The following HECW1 variants were observed in gnomAD, a reference collection of about 807,000 sequenced individuals.
HECW1 encodes the protein HECT, C2 and WW domain containing E3 ubiquitin protein ligase 1.
A neutral mutation model predicts 182.3 loss-of-function variants in HECW1; 61 were observed. The ratio of observed to expected loss-of-function variants is 0.33; its 90% CI spans 0.27 to 0.41. The LOEUF (loss-of-function observed/expected upper bound fraction) is 0.41. HECW1 is among the 10% of genes least tolerant of loss of function. The pLI, the probability that HECW1 is intolerant of heterozygous loss-of-function variation, is 1.00. For missense variants in HECW1, 1,739 were observed against 2,108.9 expected (o/e 0.82, Z 3.44); for synonymous variants, 859 against 832.6 (o/e 1.03, Z -0.55).
chr7:43,419,159 G>A (rs2076104829), intron 8 of HECW1, among the ~76,000 whole-genome samples: 2 of 152,058 alleles, frequency 1.3e-5, no homozygotes, highest in Admixed American at 1.3e-4. Context: ...GGTGGTGCTG[G>A]TTGCCCCAGG....
In HECW1 at chr7:43,407,592, T is replaced by G. The variant is rs1195691817; in HGVS notation, c.662T>G (p.Met221Arg). The change falls in exon 8 of 30, where the codon ATG becomes AGG. Residue 221 changes from methionine to arginine, a missense_variant. Around this residue, in one of 5 missense-constraint regions of HECW1, gnomAD observed 279 missense variants for 353.1 expected, o/e 0.79. Transcript: ENST00000395891. ...DFQAMGLKKG[M>R]FFNPDPYLKI... ...CAAGCCATGGGGTTGAAGAAAGGGA[T>G]GTTTTTCAACCCAGACCCTTATCTG... The G allele has an allele frequency of 6.2e-7, 1 of 1,613,336 alleles. No homozygotes were observed. The highest frequency in any genetic ancestry group is 1.1e-5 in the South Asian group (1 of 91,010).
intron 12 of HECW1, among the ~76,000 whole-genome samples, chr7:43,455,555 A>G (rs2077373435): frequency 6.6e-6 from 1 of 152,238 alleles, no homozygotes; most frequent in Non-Finnish European, 1.5e-5. Flanking sequence ...GTCAGCTCGC[A>G]CTGGAGGATA....
At chr7:43,251,076 G>T (rs1219166526) in intron 3 of HECW1, among the ~76,000 whole-genome samples, 1 of 152,164 alleles carries the variant, frequency 6.6e-6, no homozygotes, top group African/African-American at 2.4e-5. Flanking sequence ...TACTGGATGG[G>T]CCCTGTGGAT....
intron 5 of HECW1, among the ~76,000 whole-genome samples, chr7:43,339,820 T>G (rs913862540): frequency 6.6e-6 from 1 of 152,112 alleles, no homozygotes; most frequent in Non-Finnish European, 1.5e-5. Flanking sequence ...TTAGGACCCC[T>G]CTCAAGGGCT....
intron 24 of HECW1, among the ~76,000 whole-genome samples, chr7:43,531,538 GC>G (rs1337098083): frequency 6.6e-6 from 1 of 152,086 alleles, no homozygotes; most frequent in African/African-American, 2.4e-5. Flanking sequence ...TCCATGTCAT[GC>G]CCTCCTCCAC....
chr7:43,158,229 A>G lies in HECW1; in HGVS notation c.-32+43838A>G, dbSNP rs146010020. Among the ~76,000 whole-genome samples, 718 of 152,340 alleles carry G rather than the reference A, an allele frequency of 4.7e-3. 1 individual carries two copies. The highest frequency in any genetic ancestry group is 8.1e-3 in the Non-Finnish European group (548 of 68,030). Reference sequence around the variant, plus strand: ...AGGTAAAAGGCAATACAGGTTGACCAATATGGGTGGTTATTATACATAAAC... The same window carrying G: ...AGGTAAAAGGCAATACAGGTTGACCGATATGGGTGGTTATTATACATAAAC... On this transcript the variant is annotated intron_variant, in intron 2 of 29. Transcript: ENST00000395891.
intron 5 of HECW1, among the ~76,000 whole-genome samples, chr7:43,341,639 A>G (rs1584544327): frequency 6.6e-6 from 1 of 151,842 alleles, no homozygotes. Flanking sequence ...TCTTAAAAAT[A>G]CAAACATCTA....
chr7:43,510,800 T>C (rs2079826223), intron 24 of HECW1, among the ~76,000 whole-genome samples: 1 of 152,136 alleles, frequency 6.6e-6, no homozygotes. Context: ...AGCTGACGTT[T>C]GAAGAAAACC....
intron 3 of HECW1, among the ~76,000 whole-genome samples, chr7:43,290,924 C>G (rs1231429933): frequency 6.6e-6 from 1 of 152,164 alleles, no homozygotes; most frequent in Non-Finnish European, 1.5e-5. Flanking sequence ...GGGACCCCAT[C>G]CCAGAGGAGC....
At chr7:43,427,510 A>T (rs1055272323) in intron 8 of HECW1, among the ~76,000 whole-genome samples, 8 of 152,210 alleles carry the variant, frequency 5.3e-5, no homozygotes, top group Non-Finnish European at 8.8e-5. Flanking sequence ...TATTTGTTCA[A>T]AGTATATCTC....
At chr7:43,431,807 C>A (rs768782134) in intron 8 of HECW1, among the ~76,000 whole-genome samples, 13 of 152,122 alleles carry the variant, frequency 8.5e-5, no homozygotes, top group Non-Finnish European at 1.9e-4. Flanking sequence ...ACTCTGTGAA[C>A]TTCAGCCCCT....
chr7:43,125,610 T>G (rs1040969842), intron 2 of HECW1, among the ~76,000 whole-genome samples: 13 of 151,580 alleles, frequency 8.6e-5, no homozygotes, highest in African/African-American at 3.2e-4. Context: ...CAAAAAAAAT[T>G]AGCCGGGCAT....
chr7:43,366,426 CA>C (rs1434109518), intron 6 of HECW1, among the ~76,000 whole-genome samples: 5 of 151,850 alleles, frequency 3.3e-5, no homozygotes, highest in African/African-American at 1.2e-4. Context: ...GTAGATATTT[CA>C]AAAAAAATTT....
At chr7:43,529,724 C>G (rs1329063405) in intron 24 of HECW1, among the ~76,000 whole-genome samples, 1 of 152,150 alleles carries the variant, frequency 6.6e-6, no homozygotes, top group Non-Finnish European at 1.5e-5. Context: ...CACTCAGGCT[C>G]TAGGCCCACC....
intron 21 of HECW1, among the ~76,000 whole-genome samples, chr7:43,501,653 G>C (rs537645665): frequency 6.6e-6 from 1 of 152,024 alleles, no homozygotes; most frequent in South Asian, 2.1e-4. Context: ...AACATAGCGA[G>C]CTCCCCTTCT....
chr7:43,394,057 A>AGCCATTGAT (rs1225461668), intron 6 of HECW1, among the ~76,000 whole-genome samples: 1 of 152,180 alleles, frequency 6.6e-6, no homozygotes, highest in Admixed American at 6.5e-5. Context: ...CAGAGGCTTT[A>AGCCATTGAT]GCCATTGATT....
At chr7:43,490,946 T>C (rs988831597) in intron 17 of HECW1, among the ~76,000 whole-genome samples, 20 of 152,106 alleles carry the variant, frequency 1.3e-4, no homozygotes, top group African/African-American at 4.6e-4. Flanking sequence ...TTAGTGGAAA[T>C]GGGGTTTCAC....
intron 2 of HECW1, among the ~76,000 whole-genome samples, chr7:43,217,674 A>G (rs1034768676): frequency 1.3e-5 from 2 of 152,182 alleles, no homozygotes; most frequent in Non-Finnish European, 2.9e-5. Flanking sequence ...TTGCAAAATG[A>G]TGAGGGGCTT....
chr7:43,208,606 G>A (rs954996323), intron 2 of HECW1, among the ~76,000 whole-genome samples: 1 of 152,208 alleles, frequency 6.6e-6, no homozygotes, highest in Non-Finnish European at 1.5e-5. Context: ...AATTTTTTGT[G>A]TCAGCTTTCA....
Sources: allele counts gnomAD v4.1 joint callset (sites outside exome capture counted in the v4.1 genomes callset), GRCh38; gene constraint gnomAD v4.1.1; regional missense constraint gnomAD v4.1.1; transcripts MANE v1.5; gene names NCBI Gene and HGNC (gene_info 2026-07-23, HGNC 2026-07-21).